GLT8D2: variants seen among roughly 807,000 people sequenced by gnomAD.
The protein encoded by GLT8D2 is glycosyltransferase 8 domain containing 2.
A neutral mutation model predicts 44.5 loss-of-function variants in GLT8D2; 45 were observed. The observed-to-expected ratio is 1.01, with a 90% CI of 0.80 to 1.30. The LOEUF (loss-of-function observed/expected upper bound fraction) is 1.30, where lower values mean the gene tolerates loss of function less well. Among genes scored for constraint, GLT8D2 ranks in the 50% most tolerant of loss-of-function variants. The pLI is 0.00. For missense variants in GLT8D2, 400 were observed against 430.4 expected (o/e 0.93, Z 0.62); for synonymous variants, 156 against 157.2 (o/e 0.99, Z 0.06).
rs1039805514 is a variant in GLT8D2 at position 104,003,091 on chromosome 12, G to C, written c.284+44C>G. 4.0e-6 allele frequency: 6 copies of C among 1,512,538 alleles called. No homozygotes were observed. In the African/African-American group the frequency reaches 8.3e-5, roughly 21 times the overall value. The allele number at this position is 1,512,538 out of a possible 1,614,324, so 93.7% of individuals were successfully genotyped here. ...GGGAGGGAGGGAGGGAAGGAGAGAG[G>C]GGAAGGAAACAGAAAGTGCCAAAGT... On this transcript the variant is annotated intron_variant, in intron 5 of 10. Coordinates refer to ENST00000360814, the MANE Select transcript of GLT8D2 (RefSeq NM_001384711.1).
chr12:104,017,259 T>G (rs1877001176), intron 3 of GLT8D2, among the ~76,000 whole-genome samples: 1 of 152,178 alleles, frequency 6.6e-6, no homozygotes, highest in Non-Finnish European at 1.5e-5. Flanking sequence ...CTGTTTTCAT[T>G]TGCAGTAAGG....
At chr12:104,045,641 G>A (rs1881002390) in intron 1 of GLT8D2, among the ~76,000 whole-genome samples, 1 of 152,170 alleles carries the variant, frequency 6.6e-6, no homozygotes. Flanking sequence ...ATGCCAAAGA[G>A]TTTAGGCATG....
chr12:104,002,637 A>G (rs914087795), intron 5 of GLT8D2, among the ~76,000 whole-genome samples: 7 of 152,132 alleles, frequency 4.6e-5, no homozygotes, highest in Admixed American at 1.3e-4. Context: ...AAGGAAATCT[A>G]TTTAAGGAAA....
chr12:104,006,853 A>AAC (rs916993844), intron 4 of GLT8D2, among the ~76,000 whole-genome samples: 3 of 152,242 alleles, frequency 2.0e-5, no homozygotes, highest in African/African-American at 4.8e-5. Context: ...GCTAGCCTAA[A>AAC]ACACACACAC....
chr12:104,004,979 C>T (rs1390729832), intron 4 of GLT8D2, among the ~76,000 whole-genome samples: 1 of 152,174 alleles, frequency 6.6e-6, no homozygotes, highest in Non-Finnish European at 1.5e-5. Flanking sequence ...TGACTTCAAA[C>T]TATACTACAA....
At chr12:103,993,344 T>C in intron 10 of GLT8D2, 48 bp downstream of exon 10, 1 of 1,417,328 alleles carries the variant, frequency 7.1e-7, no homozygotes, top group Non-Finnish European at 1.0e-6. Context: ...AATACAAAAA[T>C]AAAATGGACA....
chr12:104,062,527 G>A (rs1370718283), intron 1 of GLT8D2, among the ~76,000 whole-genome samples: 1 of 152,206 alleles, frequency 6.6e-6, no homozygotes, highest in East Asian at 1.9e-4. Context: ...AAGAGTTTTA[G>A]GAAATTTACT....
At chr12:104,005,073 C>A (rs546685715) in intron 4 of GLT8D2, among the ~76,000 whole-genome samples, 72 of 152,248 alleles carry the variant, frequency 4.7e-4, no homozygotes, top group African/African-American at 1.6e-3. Flanking sequence ...CCAGAAATAA[C>A]ACCACACATC....
intron 1 of GLT8D2, among the ~76,000 whole-genome samples, chr12:104,024,773 A>C (rs1442356907): frequency 6.6e-6 from 1 of 152,074 alleles, no homozygotes; most frequent in East Asian, 1.9e-4. Flanking sequence ...TATTCCGCAT[A>C]CAAGTCCTGT....
intron 1 of GLT8D2, among the ~76,000 whole-genome samples, chr12:104,033,794 G>GTGTGTGTGTGTATATA (rs1348776935): frequency 1.6e-5 from 1 of 64,380 alleles, no homozygotes; most frequent in African/African-American, 7.1e-5. Flanking sequence ...GTGTATATAT[G>GTGTGTGTGTGTATATA]TGTGTGTGTG....
At chr12:104,053,623 A>C (rs1279172880), upstream of GLT8D2, among the ~76,000 whole-genome samples, 1 of 152,184 alleles carries the variant, frequency 6.6e-6, no homozygotes, top group Non-Finnish European at 1.5e-5. Context: ...GGTGGCTCAC[A>C]CCTGTAATCC....
intron 9 of GLT8D2, 29 bp downstream of exon 9, chr12:103,994,306 G>A (rs776506389): frequency 6.4e-7 from 1 of 1,565,778 alleles, no homozygotes; most frequent in South Asian, 1.2e-5. Flanking sequence ...TCCAAGCATG[G>A]AAAAAATGGT....
At chr12:104,019,115 CTTCT>C (rs1248491934) in intron 3 of GLT8D2, among the ~76,000 whole-genome samples, 11 of 129,034 alleles carry the variant, frequency 8.5e-5, no homozygotes, top group Non-Finnish European at 1.6e-4. Context: ...TCCACTTCTT[CTTCT>C]TTTTTTTTTT....
intron 1 of GLT8D2, among the ~76,000 whole-genome samples, chr12:104,063,336 G>A (rs962925360): frequency 1.3e-5 from 2 of 152,126 alleles, no homozygotes; most frequent in African/African-American, 4.8e-5. Flanking sequence ...ATTCCTAATG[G>A]ACTTGTGTGA....
intron 6 of GLT8D2, among the ~76,000 whole-genome samples, chr12:103,997,839 A>AAT (rs111505180): frequency 0.17 from 25,169 of 151,530 alleles, 2,504 homozygotes; most frequent in East Asian, 0.46. Flanking sequence ...CTCGTTAGTC[A>AAT]CTTTTAGGGC....
At chr12:104,044,579 C>T (rs1392841848) in intron 1 of GLT8D2, among the ~76,000 whole-genome samples, 1 of 152,204 alleles carries the variant, frequency 6.6e-6, no homozygotes, top group Non-Finnish European at 1.5e-5. Context: ...TTCTCAGATT[C>T]CTCTTCAACT....
intron 1 of GLT8D2, among the ~76,000 whole-genome samples, chr12:104,060,045 A>G (rs1042007864): frequency 6.6e-6 from 1 of 152,102 alleles, no homozygotes; most frequent in Admixed American, 6.5e-5. Flanking sequence ...CTAGGCCACT[A>G]CTAACCTCCT....
At chr12:104,044,003 T>C (rs1880832690) in intron 1 of GLT8D2, among the ~76,000 whole-genome samples, 1 of 152,186 alleles carries the variant, frequency 6.6e-6, no homozygotes, top group Admixed American at 6.5e-5. Context: ...AATGAACCTG[T>C]GAAAATAGGA....
intron 10 of GLT8D2, 135 bp downstream of exon 10, chr12:103,993,257 G>A: frequency 1.4e-6 from 1 of 699,974 alleles, no homozygotes; most frequent in Admixed American, 2.1e-5. Context: ...CTTGAACCCA[G>A]GAAGCGGAGG....
Sources: gnomAD v4.1 joint callset for allele counts (sites outside exome capture counted in the v4.1 genomes callset) on GRCh38, gnomAD v4.1.1 for gene constraint, MANE v1.5 for transcripts, NCBI Gene and HGNC (gene_info 2026-07-23, HGNC 2026-07-21) for gene names.